KCNQ2: variants seen among roughly 807,000 people sequenced by gnomAD.
KCNQ2 encodes potassium voltage-gated channel subfamily KQT member 2.
In KCNQ2, 14 loss-of-function variants were observed where a neutral mutation model predicts 84.8. The ratio of observed to expected loss-of-function variants is 0.17; its 90% CI spans 0.11 to 0.26. The LOEUF (loss-of-function observed/expected upper bound fraction) is 0.26, where lower values mean the gene tolerates loss of function less well. Among genes scored for constraint, KCNQ2 ranks in the 10% least tolerant of loss-of-function variants. KCNQ2 has a pLI of 1.00. For missense variants in KCNQ2, 788 were observed against 1,254.0 expected, an observed-to-expected ratio of 0.63 and a Z score of 5.61; for synonymous variants, 599 against 554.1, an observed-to-expected ratio of 1.08 and a Z score of -1.14.
intron 1 of KCNQ2, among the ~76,000 whole-genome samples, chr20:63,450,492 G>A (rs1328395488): frequency 3.5e-5 from 5 of 141,576 alleles, no homozygotes; most frequent in African/African-American, 1.3e-4. Flanking sequence ...AGCACTGGGC[G>A]CTGCAGTCAC....
At chr20:63,426,575 T>A (rs6062446) in intron 10 of KCNQ2, among the ~76,000 whole-genome samples, 1 of 151,998 alleles carries the variant, frequency 6.6e-6, no homozygotes, top group Non-Finnish European at 1.5e-5. Context: ...CCTCTCATAC[T>A]TTACTATGAG....
intron 5 of KCNQ2, among the ~76,000 whole-genome samples, chr20:63,441,541 A>G (rs2081162725): frequency 2.6e-5 from 4 of 152,154 alleles, no homozygotes; most frequent in Admixed American, 2.6e-4. Flanking sequence ...TGTTGCCCAC[A>G]AAAGACCTGG....
At chr20:63,431,932 A>T (rs1414807681) in intron 8 of KCNQ2, among the ~76,000 whole-genome samples, 20 of 109,256 alleles carry the variant, frequency 1.8e-4, no homozygotes, top group South Asian at 3.1e-4. Flanking sequence ...ACCCTCAGGG[A>T]AGGCTCCACC....
At chr20:63,468,674 A>G (rs2872682) in intron 1 of KCNQ2, among the ~76,000 whole-genome samples, 45,717 of 152,234 alleles carry the variant, frequency 0.3, 7,320 homozygotes, top group East Asian at 0.59. Context: ...AGAGGCCCCT[A>G]AAACCCTGGA....
At chr20:63,421,320 C>A (rs1601595406) in intron 11 of KCNQ2, among the ~76,000 whole-genome samples, 1 of 152,224 alleles carries the variant, frequency 6.6e-6, no homozygotes, top group African/African-American at 2.4e-5. Context: ...CCGTTATAAT[C>A]CATGTTATTT....
intron 1 of KCNQ2, among the ~76,000 whole-genome samples, chr20:63,454,221 C>T (rs1383532213): frequency 6.6e-6 from 1 of 152,224 alleles, no homozygotes; most frequent in Non-Finnish European, 1.5e-5. Context: ...CGCCCATCTG[C>T]CCCCGCCTCG....
At chr20:63,417,750 A>G (rs1400774853) in intron 12 of KCNQ2, among the ~76,000 whole-genome samples, 1 of 152,218 alleles carries the variant, frequency 6.6e-6, no homozygotes, top group Non-Finnish European at 1.5e-5. Context: ...GAGAAGACCC[A>G]GCCCCGACGT....
At chr20:63,440,426 C>T (rs577636241) in intron 5 of KCNQ2, among the ~76,000 whole-genome samples, 2 of 152,310 alleles carry the variant, frequency 1.3e-5, no homozygotes, top group South Asian at 2.1e-4. Flanking sequence ...AGGCACCCTG[C>T]ACTCAGTGCT....
chr20:63,443,334 TCAC>T (rs879434888), intron 4 of KCNQ2, among the ~76,000 whole-genome samples: 13,295 of 39,642 alleles, frequency 0.34, 1,561 homozygotes, highest in Non-Finnish European at 0.4. Flanking sequence ...ACCATCACCA[TCAC>T]CACCATCACC....
rs534330638 is a variant in KCNQ2, at chr20:63,432,312, G to A, written c.1119-943C>T. Reference sequence around the variant, plus strand: ...CAGGGAAGGCTCCACCCACAGAGAAGGCTCCACCCTCTGGGAAGGCTCCAC... The same window carrying A: ...CAGGGAAGGCTCCACCCACAGAGAAAGCTCCACCCTCTGGGAAGGCTCCAC... On this transcript the variant is annotated intron_variant, in intron 8 of 16. Coordinates refer to ENST00000359125, the MANE Select transcript of KCNQ2 (RefSeq NM_172107.4). Among the ~76,000 whole-genome samples, 4 of 146,868 alleles carry A rather than the reference G, an allele frequency of 2.7e-5. No homozygotes were observed. In the East Asian group the frequency reaches 8.2e-4, roughly 30 times the overall value.
chr20:63,450,843 A>T (rs1235200615), intron 1 of KCNQ2, among the ~76,000 whole-genome samples: 1 of 152,068 alleles, frequency 6.6e-6, no homozygotes, highest in Non-Finnish European at 1.5e-5. Context: ...ACCAAAAAGC[A>T]AAAAAGAAGA....
In KCNQ2 at chr20:63,406,568, G is replaced by A. The variant is rs1037044168; in HGVS notation, c.*76C>T. 4.8e-6 allele frequency: 7 copies of A among 1,465,104 alleles called. No individual in the cohort carries two copies. In the African/African-American group the frequency reaches 9.8e-5, roughly 21 times the overall value. The allele number at this position is 1,465,104 out of a possible 1,614,324, so 90.8% of individuals were successfully genotyped here. ...CAGTTACTGTAAGAAAAGGGCCCCA[G>A]AGGGTTCCCGCCTCAAAACCTCGGA... On this transcript the variant is annotated 3_prime_UTR_variant, in exon 17 of 17. Transcript: ENST00000359125.
In KCNQ2 at chr20:63,408,571, G is replaced by A; in HGVS notation, c.1764-35C>T. On this transcript the variant is annotated intron_variant, in intron 15 of 16. Transcript: ENST00000359125. The surrounding 1 kb of genome is among the most constrained non-coding windows in gnomAD (Gnocchi z 5.0). ...ACAGAGACCCCAAAGCATGAGTTCGGGTGGGTGCAGCAGGGCCCCTGCCCT... is the reference window on the plus strand; with the variant it reads ...ACAGAGACCCCAAAGCATGAGTTCGAGTGGGTGCAGCAGGGCCCCTGCCCT... The A allele has an allele frequency of 6.2e-7, 1 of 1,606,414 alleles. No homozygotes were observed. The highest frequency in any genetic ancestry group is 1.1e-5 in the South Asian group (1 of 89,902).
chr20:63,442,355 G>A, intron 5 of KCNQ2, 51 bp downstream of exon 5: 1 of 1,613,344 alleles, frequency 6.2e-7, no homozygotes. Context: ...CCAGCACAGG[G>A]ACAGGGGTGT....
chr20:63,443,126 C>CCAT (rs2081279304), intron 4 of KCNQ2, among the ~76,000 whole-genome samples: 1 of 98,960 alleles, frequency 1.0e-5, no homozygotes, highest in Non-Finnish European at 2.1e-5. Context: ...ACTATCACCA[C>CCAT]CACCACCATC....
chr20:63,435,391 A>C (rs1174539896), intron 7 of KCNQ2, among the ~76,000 whole-genome samples: 1 of 14,030 alleles, frequency 7.1e-5, no homozygotes, highest in Non-Finnish European at 3.6e-4. Context: ...CTATCTCAAC[A>C]ACAACAAAAA....
At position 63,414,674 on chromosome 20, in the gene KCNQ2, G is replaced by A. The variant is rs1198511123; in HGVS notation, c.1525+229C>T. ...GAGAATGTTCTGGAACTAGGCTGAG[G>A]TGGTGGTGACAACTCCACCGTGAGC... On this transcript the variant is annotated intron_variant, in intron 13 of 16. Coordinates refer to ENST00000359125, the MANE Select transcript of KCNQ2 (RefSeq NM_172107.4). This position sits in a 1 kb window ranked among gnomAD's most constrained non-coding sequence, Gnocchi z 6.6. Among the ~76,000 whole-genome samples the A allele has an allele frequency of 1.3e-5, 2 of 151,654 alleles. No homozygotes were observed. The highest frequency in any genetic ancestry group is 3.9e-4 in the East Asian group (2 of 5,146).
At position 63,410,909 on chromosome 20, in the gene KCNQ2, C is replaced by A. The variant is rs2080101790; in HGVS notation, c.1764-2373G>T. The A allele has an allele frequency of 9.5e-6, 4 of 421,532 alleles. No homozygotes were observed. In the Admixed American group the frequency reaches 1.1e-4, roughly 11 times the overall value. The allele number at this position is 421,532 out of a possible 1,614,324, so 26.1% of individuals were successfully genotyped here. On this transcript the variant is annotated intron_variant, in intron 15 of 16. Coordinates refer to ENST00000359125, the MANE Select transcript of KCNQ2 (RefSeq NM_172107.4). The stretch of plus-strand genomic sequence containing the variant: ...CCAGGCCTCCGCCCCAGGGGCTCTA[C>A]CCTCCCTCAGCCAATCAGACTTGCC...
chr20:63,463,533 G>A (rs941892435), intron 1 of KCNQ2, among the ~76,000 whole-genome samples: 15 of 152,144 alleles, frequency 9.9e-5, no homozygotes, highest in Admixed American at 7.2e-4. Flanking sequence ...CCCGCACACA[G>A]GGGCAGAAAC....
Sources: allele counts gnomAD v4.1 joint callset (sites outside exome capture counted in the v4.1 genomes callset), GRCh38; gene constraint gnomAD v4.1.1; non-coding constraint Gnocchi (gnomAD v3.1); transcripts MANE v1.5; gene names NCBI Gene and HGNC (gene_info 2026-07-23, HGNC 2026-07-21).